Variants in PKD1L1 observed in about 807,000 individuals in gnomAD.
PKD1L1 encodes polycystin-1-like protein 1.
A neutral mutation model predicts 323.4 loss-of-function variants in PKD1L1; 236 were observed. That is an observed-to-expected ratio of 0.73 (90% CI 0.66 to 0.81). PKD1L1 has a LOEUF of 0.81. Among genes scored for constraint, PKD1L1 ranks in the 40% least tolerant of loss-of-function variants. The pLI is 0.00. For synonymous variants in PKD1L1, 1,344 were observed against 1,335.0 expected (o/e 1.01, Z -0.15); for missense variants, 3,320 against 3,508.0 (o/e 0.95, Z 1.35).
In PKD1L1 at chr7:47,835,186, G is replaced by A. The variant is rs1216398467; in HGVS notation, c.6001C>T (p.Leu2001Phe). ...GSFRVGLLCT[L>F]LASPGAQLLS... ...AGCTGGGCCCCTGGAGAAGCCAGGA[G>A]GGTACACAGGAGACCCACCCTGAAG... The change falls in exon 38 of 57, where the codon CTC becomes TTC. Residue 2001 changes from leucine to phenylalanine, a missense_variant. Physicochemically the swap from Leu to Phe is conservative, Grantham distance 22. Coordinates refer to ENST00000289672, the MANE Select transcript of PKD1L1 (RefSeq NM_138295.5). 1.9e-6 allele frequency: 3 copies of A among 1,590,570 alleles called. No homozygotes were observed. In the Admixed American group the frequency reaches 5.8e-5, roughly 31 times the overall value.
At chr7:47,795,643 G>GT (rs1246151587) in intron 55 of PKD1L1, among the ~76,000 whole-genome samples, 1 of 152,128 alleles carries the variant, frequency 6.6e-6, no homozygotes, top group East Asian at 1.9e-4. Context: ...AGAAGTTTGG[G>GT]TTTGATAGCA....
chr7:47,839,966 T>C lies in PKD1L1; in HGVS notation c.5553-304A>G, dbSNP rs1785534806. ...GGTGTGGATTAGTCTAAAGTTAACCTTTTCTCTCTTAATGAAGACATAATA... is the reference window on the plus strand; with the variant it reads ...GGTGTGGATTAGTCTAAAGTTAACCCTTTCTCTCTTAATGAAGACATAATA... On this transcript the variant is annotated intron_variant, in intron 35 of 56. Coordinates refer to ENST00000289672, the MANE Select transcript of PKD1L1 (RefSeq NM_138295.5). The surrounding 1 kb of genome is among the most constrained non-coding windows in gnomAD (Gnocchi z 4.3). Among the ~76,000 whole-genome samples the C allele has an allele frequency of 6.6e-6, 1 of 152,188 alleles. No homozygotes were observed. Among genetic ancestry groups the C allele is most frequent in the African/African-American group, 2.4e-5 (1 of 41,452 alleles).
At chr7:47,783,121 C>T (rs1243911819) in intron 56 of PKD1L1, among the ~76,000 whole-genome samples, 2 of 152,098 alleles carry the variant, frequency 1.3e-5, no homozygotes, top group Non-Finnish European at 2.9e-5. Context: ...TGGGAGTATA[C>T]ATTGATAGCT....
At chr7:47,858,090 A>G (rs915138778) in intron 27 of PKD1L1, among the ~76,000 whole-genome samples, 8 of 152,172 alleles carry the variant, frequency 5.3e-5, no homozygotes, top group African/African-American at 1.9e-4. Context: ...CAAATGTTAC[A>G]GTAGCCATCC....
intron 26 of PKD1L1, among the ~76,000 whole-genome samples, chr7:47,864,661 C>G (rs1786119182): frequency 7.1e-6 from 1 of 141,056 alleles, no homozygotes; most frequent in Non-Finnish European, 1.5e-5. Flanking sequence ...TCCTCCCTCT[C>G]TCCTTCCCTT....
chr7:47,946,572 TCA>T lies in PKD1L1; in HGVS notation c.44+1823_44+1824del, dbSNP rs1563003446. On this transcript the variant is annotated intron_variant, in intron 1 of 56. Transcript: ENST00000289672. This position sits in a 1 kb window ranked among gnomAD's most constrained non-coding sequence, Gnocchi z 4.1. ...CACATCACACAGCACACACCATGTA[TCA>T]CACACACACCATACCCCACTCATAC... Among the ~76,000 whole-genome samples the T allele has an allele frequency of 6.7e-6, 1 of 148,910 alleles. No homozygotes were observed. The highest frequency in any genetic ancestry group is 2.0e-4 in the East Asian group (1 of 5,054).
In PKD1L1 at chr7:47,863,251, G is replaced by C. The variant is rs988203847; in HGVS notation, c.4149+1965C>G. 3.9e-5 allele frequency among the ~76,000 whole-genome samples: 6 copies of C among 152,136 alleles called. No homozygotes were observed. In the East Asian group the frequency reaches 7.7e-4, roughly 20 times the overall value. On this transcript the variant is annotated intron_variant, in intron 26 of 56. Transcript: ENST00000289672. ...GAGGAACACGGGGTTGGAAGGGGTTGGGGGAGGAGCCCACTCTGCCATGCT... is the reference window on the plus strand; with the variant it reads ...GAGGAACACGGGGTTGGAAGGGGTTCGGGGAGGAGCCCACTCTGCCATGCT...
chr7:47,910,627 C>T (rs541473761), intron 8 of PKD1L1, among the ~76,000 whole-genome samples: 33 of 148,750 alleles, frequency 2.2e-4, no homozygotes, highest in African/African-American at 7.4e-4. Context: ...CGTGAGCCAA[C>T]GCGCCCGGCC....
At chr7:47,794,218 T>G (rs926577434) in intron 55 of PKD1L1, among the ~76,000 whole-genome samples, 1 of 152,070 alleles carries the variant, frequency 6.6e-6, no homozygotes, top group Non-Finnish European at 1.5e-5. Flanking sequence ...ATGGGGAAAA[T>G]GTCGCCAAGT....
At chr7:47,931,745 C>T (rs1016946981) in intron 5 of PKD1L1, among the ~76,000 whole-genome samples, 191 bp downstream of exon 5, 1 of 152,192 alleles carries the variant, frequency 6.6e-6, no homozygotes, top group African/African-American at 2.4e-5. Context: ...AAATATTTTC[C>T]CTTACTGTGG....
chr7:47,953,984 G>A, the PKD1L1 span, among the ~76,000 whole-genome samples: 1 of 152,188 alleles, frequency 6.6e-6, no homozygotes, highest in African/African-American at 2.4e-5. Flanking sequence ...CAGCAAGGAA[G>A]ATAACCAAAA....
At chr7:47,889,821 T>A (rs990740211) in intron 16 of PKD1L1, among the ~76,000 whole-genome samples, 17 of 152,260 alleles carry the variant, frequency 1.1e-4, no homozygotes, top group Non-Finnish European at 1.9e-4. Flanking sequence ...CCTGGGTGGG[T>A]GCCAGCTTGC....
the PKD1L1 span, among the ~76,000 whole-genome samples, chr7:47,957,483 G>A: frequency 6.6e-6 from 1 of 152,100 alleles, no homozygotes; most frequent in East Asian, 1.9e-4. Flanking sequence ...AAAGTTTCAG[G>A]ATACAAAATC....
chr7:47,927,393 C>T (rs1787675382), intron 7 of PKD1L1, among the ~76,000 whole-genome samples: 1 of 152,046 alleles, frequency 6.6e-6, no homozygotes, highest in African/African-American at 2.4e-5. Flanking sequence ...ATTCTCCTGC[C>T]CCAGCCTCCT....
At chr7:47,919,998 T>C (rs1787502730) in intron 7 of PKD1L1, among the ~76,000 whole-genome samples, 1 of 152,104 alleles carries the variant, frequency 6.6e-6, no homozygotes, top group Non-Finnish European at 1.5e-5. Flanking sequence ...TTCAACATAG[T>C]ACTGGAAGTC....
Position 47,890,681 on chromosome 7 carries a change from C to T in PKD1L1, c.2536G>A (p.Ala846Thr), listed in dbSNP as rs756855898. 1.9e-6 allele frequency: 3 copies of T among 1,613,988 alleles called. No homozygotes were observed. The highest frequency in any genetic ancestry group is 1.7e-5 in the Admixed American group (1 of 60,024). Residue 846 changes from alanine (A) to threonine (T), a missense_variant, in exon 16 of 57, where the codon GCT becomes ACT. Coordinates refer to ENST00000289672, the MANE Select transcript of PKD1L1 (RefSeq NM_138295.5). ...TGTGCCTCAAAGGAAACAGTGGGAG[C>T]CGCGGCATCCAGTTGGTGTGCAGTG... Reference protein sequence around the residue: ...SSTAHQLDAAAPTVSFEAQWL... With the variant: ...SSTAHQLDAATPTVSFEAQWL...
intron 7 of PKD1L1, among the ~76,000 whole-genome samples, chr7:47,922,298 A>T (rs376184764): frequency 6.6e-6 from 1 of 152,250 alleles, no homozygotes; most frequent in Non-Finnish European, 1.5e-5. Flanking sequence ...TTGGCCTCCC[A>T]AAGTGCCGAG....
intron 18 of PKD1L1, among the ~76,000 whole-genome samples, chr7:47,885,126 G>A (rs1184973299): frequency 6.6e-6 from 1 of 152,142 alleles, no homozygotes; most frequent in Non-Finnish European, 1.5e-5. Flanking sequence ...GGAGCTCACA[G>A]CGGTCCCTCC....
At chr7:47,847,110 GT>G (rs1724387593) in intron 31 of PKD1L1, 39 bp from the exon 32 acceptor site, 14 of 1,484,086 alleles carry the variant, frequency 9.4e-6, no homozygotes, top group Non-Finnish European at 1.3e-5. Context: ...ACAACCTGAG[GT>G]TTGCAGAAAG....
Sources: allele counts gnomAD v4.1 joint callset (sites outside exome capture counted in the v4.1 genomes callset), GRCh38; gene constraint gnomAD v4.1.1; non-coding constraint Gnocchi (gnomAD v3.1); transcripts MANE v1.5; gene names NCBI Gene and HGNC (gene_info 2026-07-23, HGNC 2026-07-21).